Variants in CNTNAP2 observed in about 807,000 individuals in gnomAD.
The protein encoded by CNTNAP2 is contactin associated protein 2, also known as contactin-associated protein-like 2.
In CNTNAP2, 98 loss-of-function variants were observed where a neutral mutation model predicts 155.2. The ratio of observed to expected loss-of-function variants is 0.63; its 90% CI spans 0.54 to 0.75. The LOEUF (loss-of-function observed/expected upper bound fraction) is 0.75, where lower values mean the gene tolerates loss of function less well. Among genes scored for constraint, CNTNAP2 ranks in the 30% least tolerant of loss-of-function variants. The pLI is 0.00. For synonymous variants in CNTNAP2, 651 were observed against 631.2 expected (o/e 1.03, Z -0.47); for missense variants, 1,727 against 1,688.1 (o/e 1.02, Z -0.40).
intron 14 of CNTNAP2, among the ~76,000 whole-genome samples, chr7:147,925,190 G>GGAAGGAAA (rs1563137225): frequency 6.7e-6 from 1 of 149,498 alleles, no homozygotes; most frequent in Non-Finnish European, 1.5e-5. Flanking sequence ...AAGGAAGGAA[G>GGAAGGAAA]GAAGGAAGGA....
chr7:147,365,399 A>AAAAAAAAAAAAAAG (rs1796213199), intron 9 of CNTNAP2, among the ~76,000 whole-genome samples: 1 of 147,320 alleles, frequency 6.8e-6, no homozygotes, highest in Non-Finnish European at 1.5e-5. Flanking sequence ...AAAAAAAAAA[A>AAAAAAAAAAAAAAG]AAAAAAAAAC....
chr7:148,042,459 C>CT (rs1802696183), intron 15 of CNTNAP2, among the ~76,000 whole-genome samples: 1 of 152,146 alleles, frequency 6.6e-6, no homozygotes, highest in South Asian at 2.1e-4. Flanking sequence ...ATCACGGCCC[C>CT]TTTTCATTAT....
intron 17 of CNTNAP2, among the ~76,000 whole-genome samples, chr7:148,155,420 G>T (rs2972117): frequency 0.43 from 64,992 of 151,928 alleles, 14,729 homozygotes; most frequent in East Asian, 0.59. Context: ...TGATTTTTTG[G>T]TTTTTTTTAT....
At chr7:146,998,889 AC>A (rs1798362588) in intron 3 of CNTNAP2, among the ~76,000 whole-genome samples, 1 of 151,802 alleles carries the variant, frequency 6.6e-6, no homozygotes, top group Admixed American at 6.6e-5. Flanking sequence ...ATGTGCCCTT[AC>A]CTGTGAAACT....
intron 13 of CNTNAP2, among the ~76,000 whole-genome samples, chr7:147,742,052 GA>G (rs1462666930): frequency 6.6e-6 from 1 of 152,086 alleles, no homozygotes; most frequent in Non-Finnish European, 1.5e-5. Flanking sequence ...CTTATGCAGG[GA>G]AACTCCCCTT....
intron 2 of CNTNAP2, among the ~76,000 whole-genome samples, chr7:146,795,106 A>T (rs1563233656): frequency 6.6e-6 from 1 of 152,240 alleles, no homozygotes; most frequent in Non-Finnish European, 1.5e-5. Flanking sequence ...ATATGAATAT[A>T]ACTATTTTCC....
chr7:147,830,198 T>C (rs1252437422), intron 13 of CNTNAP2, among the ~76,000 whole-genome samples: 3 of 150,964 alleles, frequency 2.0e-5, no homozygotes, highest in Non-Finnish European at 2.9e-5. Flanking sequence ...AGGTGGCTTA[T>C]AAACAACAGG....
At chr7:147,518,305 T>A (rs1444824742) in intron 11 of CNTNAP2, among the ~76,000 whole-genome samples, 1 of 150,918 alleles carries the variant, frequency 6.6e-6, no homozygotes, top group African/African-American at 2.4e-5. Context: ...AGAGAAAAAA[T>A]TAAGTAGAAA....
At chr7:146,385,984 A>G (rs1000480605) in intron 1 of CNTNAP2, among the ~76,000 whole-genome samples, 1 of 152,158 alleles carries the variant, frequency 6.6e-6, no homozygotes, top group African/African-American at 2.4e-5. Context: ...TTAAAATCAG[A>G]TAGTACTAAA....
intron 3 of CNTNAP2, among the ~76,000 whole-genome samples, chr7:147,004,561 T>G (rs1284480846): frequency 6.6e-6 from 1 of 151,988 alleles, no homozygotes; most frequent in Admixed American, 6.6e-5. Flanking sequence ...GAAGAGAAAT[T>G]TTGCCTCATA....
At chr7:146,744,657 C>T (rs549166673) in intron 1 of CNTNAP2, among the ~76,000 whole-genome samples, 1 of 152,244 alleles carries the variant, frequency 6.6e-6, no homozygotes, top group South Asian at 2.1e-4. Context: ...CCAAGACCTC[C>T]AATGTTGGAA....
At chr7:146,677,398 A>C (rs1294326927) in intron 1 of CNTNAP2, among the ~76,000 whole-genome samples, 1 of 152,140 alleles carries the variant, frequency 6.6e-6, no homozygotes, top group East Asian at 1.9e-4. Flanking sequence ...ATAGATTGTA[A>C]ATGTTTCTTA....
At chr7:146,969,817 A>C (rs1797743485) in intron 3 of CNTNAP2, among the ~76,000 whole-genome samples, 1 of 152,192 alleles carries the variant, frequency 6.6e-6, no homozygotes, top group African/African-American at 2.4e-5. Flanking sequence ...CTATACTACA[A>C]GGCTACAGTA....
intron 1 of CNTNAP2, among the ~76,000 whole-genome samples, chr7:146,757,837 G>A (rs1802019151): frequency 6.6e-6 from 1 of 151,834 alleles, no homozygotes; most frequent in African/African-American, 2.4e-5. Context: ...TGTAAAAACA[G>A]CAACTTTTCT....
chr7:147,014,950 A>T (rs1401167394), intron 3 of CNTNAP2, among the ~76,000 whole-genome samples: 1 of 152,192 alleles, frequency 6.6e-6, no homozygotes, highest in Non-Finnish European at 1.5e-5. Context: ...TATTAATGCC[A>T]AATGGAAAAA....
intron 13 of CNTNAP2, among the ~76,000 whole-genome samples, chr7:147,641,406 A>T (rs1795276474): frequency 6.6e-6 from 1 of 152,134 alleles, no homozygotes; most frequent in Non-Finnish European, 1.5e-5. Context: ...CTTCATCCAG[A>T]GGGCCAGTAC....
chr7:147,521,572 C>T (rs1185318145), intron 11 of CNTNAP2, among the ~76,000 whole-genome samples: 1 of 152,174 alleles, frequency 6.6e-6, no homozygotes, highest in Non-Finnish European at 1.5e-5. Context: ...GAGAATATTG[C>T]TCCTAGGCAG....
At chr7:147,154,383 A>G (rs940417738) in intron 8 of CNTNAP2, among the ~76,000 whole-genome samples, 10 of 152,184 alleles carry the variant, frequency 6.6e-5, no homozygotes, top group African/African-American at 2.4e-4. Flanking sequence ...ATGATCCAAT[A>G]GGTTATACAA....
chr7:146,704,288 C>T (rs1800925969), intron 1 of CNTNAP2, among the ~76,000 whole-genome samples: 1 of 151,938 alleles, frequency 6.6e-6, no homozygotes, highest in African/African-American at 2.4e-5. Context: ...TTGCCCAGTC[C>T]CAGCAATTTT....
Sources: gnomAD v4.1 joint callset for allele counts (sites outside exome capture counted in the v4.1 genomes callset) on GRCh38, gnomAD v4.1.1 for gene constraint, MANE v1.5 for transcripts, NCBI Gene and HGNC (gene_info 2026-07-23, HGNC 2026-07-21) for gene names.